Variants in MARCHF1 observed in about 807,000 individuals in gnomAD.
MARCHF1 encodes the protein E3 ubiquitin-protein ligase MARCHF1.
MARCHF1 carries 40 observed loss-of-function variants against 54.2 expected under a neutral mutation model. The ratio of observed to expected loss-of-function variants is 0.74; its 90% CI spans 0.57 to 0.96. MARCHF1 has a LOEUF of 0.96. Among genes scored for constraint, MARCHF1 ranks in the 40% least tolerant of loss-of-function variants. MARCHF1 has a pLI of 0.00. For missense variants in MARCHF1, 586 were observed against 656.5 expected (o/e 0.89, Z 1.17); for synonymous variants, 236 against 236.3 (o/e 1.00, Z 0.01).
intron 9 of MARCHF1, among the ~76,000 whole-genome samples, chr4:163,533,957 T>G (rs1738446758): frequency 6.6e-6 from 1 of 152,012 alleles, no homozygotes; most frequent in Non-Finnish European, 1.5e-5. Context: ...TATACCTCTA[T>G]TTATTTTATC....
intron 2 of MARCHF1, among the ~76,000 whole-genome samples, chr4:164,092,100 C>T (rs1179874420): frequency 6.6e-6 from 1 of 152,102 alleles, no homozygotes; most frequent in Non-Finnish European, 1.5e-5. Context: ...ACTGCTGTTG[C>T]TGGATCTCTA....
At chr4:163,711,011 C>CA (rs35404546) in intron 4 of MARCHF1, among the ~76,000 whole-genome samples, 2 of 151,820 alleles carry the variant, frequency 1.3e-5, no homozygotes, top group Admixed American at 6.6e-5. Context: ...CACATGAGAA[C>CA]AAAAAACTTG....
At chr4:163,698,631 C>T (rs568862201) in intron 5 of MARCHF1, among the ~76,000 whole-genome samples, 24 of 152,176 alleles carry the variant, frequency 1.6e-4, no homozygotes, top group African/African-American at 5.8e-4. Flanking sequence ...TGAAGAAGAA[C>T]TCATAGAAGG....
chr4:164,080,340 A>C (rs763093069), intron 2 of MARCHF1, among the ~76,000 whole-genome samples: 24 of 152,196 alleles, frequency 1.6e-4, no homozygotes, highest in Non-Finnish European at 3.1e-4. Flanking sequence ...CAAATAAAAT[A>C]GTTAATTTAT....
chr4:164,070,740 G>A (rs144288722), intron 2 of MARCHF1, among the ~76,000 whole-genome samples: 1,882 of 152,326 alleles, frequency 0.012, 38 homozygotes, highest in African/African-American at 0.043. Flanking sequence ...GGCAGGCAGA[G>A]TTACGCAGTC....
intron 1 of MARCHF1, among the ~76,000 whole-genome samples, chr4:164,158,065 C>A (rs1397983984): frequency 5.3e-5 from 8 of 152,072 alleles, no homozygotes; most frequent in Non-Finnish European, 1.0e-4. Flanking sequence ...GCACACAGGG[C>A]AAGTATTTGC....
At chr4:163,618,423 C>A (rs113687124) in intron 5 of MARCHF1, among the ~76,000 whole-genome samples, 1 of 152,110 alleles carries the variant, frequency 6.6e-6, no homozygotes, top group Non-Finnish European at 1.5e-5. Context: ...TTCAGAGGGG[C>A]GGTTCTGGGA....
At chr4:163,767,919 T>C (rs953914727) in intron 4 of MARCHF1, among the ~76,000 whole-genome samples, 20 of 152,230 alleles carry the variant, frequency 1.3e-4, no homozygotes, top group African/African-American at 4.6e-4. Flanking sequence ...TGTACATTGC[T>C]ATCATCCAAA....
At chr4:164,381,718 C>T (rs939985561) in intron 1 of MARCHF1, among the ~76,000 whole-genome samples, 24 of 152,242 alleles carry the variant, frequency 1.6e-4, no homozygotes, top group African/African-American at 5.3e-4. Flanking sequence ...GAAGCTCGTA[C>T]GTTCATAAGT....
Position 163,596,605 on chromosome 4 carries a change from C to G in MARCHF1, c.1011-10676G>C, listed in dbSNP as rs556723862. On this transcript the variant is annotated intron_variant, in intron 7 of 9. Transcript: ENST00000514618. ...GAACCTCTGAGCATTTGTTTGTCCC[C>G]ACAATTACCACTTGAAAACAATAAT... Among the ~76,000 whole-genome samples, 16 of 150,198 alleles carry G rather than the reference C, an allele frequency of 1.1e-4. No homozygotes were observed. In the South Asian group the frequency reaches 3.4e-3, roughly 32 times the overall value.
At chr4:164,159,423 T>C (rs910065489) in intron 1 of MARCHF1, among the ~76,000 whole-genome samples, 1 of 152,166 alleles carries the variant, frequency 6.6e-6, no homozygotes, top group Non-Finnish European at 1.5e-5. Flanking sequence ...CATTTATTCA[T>C]TGAATAAATG....
chr4:163,775,316 TTA>T (rs1443548013), intron 4 of MARCHF1, among the ~76,000 whole-genome samples: 1 of 152,216 alleles, frequency 6.6e-6, no homozygotes, highest in East Asian at 1.9e-4. Flanking sequence ...TAATATTGTA[TTA>T]TGTTTCCTCA....
intron 1 of MARCHF1, among the ~76,000 whole-genome samples, chr4:164,372,443 T>C (rs948121931): frequency 3.3e-5 from 5 of 152,208 alleles, no homozygotes; most frequent in African/African-American, 1.2e-4. Flanking sequence ...ATATATATTT[T>C]GGATACATTT....
chr4:164,147,151 A>C (rs1222785752), intron 1 of MARCHF1, among the ~76,000 whole-genome samples: 3 of 152,032 alleles, frequency 2.0e-5, no homozygotes, highest in Non-Finnish European at 4.4e-5. Flanking sequence ...TTAGAATGAC[A>C]ATCATTAAAA....
chr4:164,038,993 G>A (rs1754069266), intron 2 of MARCHF1, among the ~76,000 whole-genome samples: 1 of 152,068 alleles, frequency 6.6e-6, no homozygotes, highest in African/African-American at 2.4e-5. Flanking sequence ...AGCTGAATAA[G>A]ATAAACACTT....
chr4:164,340,414 G>GATATATAT (rs70952623), intron 1 of MARCHF1, among the ~76,000 whole-genome samples: 3 of 93,376 alleles, frequency 3.2e-5, no homozygotes, highest in African/African-American at 1.1e-4. Flanking sequence ...TTTATATATA[G>GATATATAT]ATATATATAT....
intron 1 of MARCHF1, among the ~76,000 whole-genome samples, chr4:164,215,389 C>G (rs1032533254): frequency 2.6e-5 from 4 of 152,104 alleles, no homozygotes; most frequent in African/African-American, 9.7e-5. Context: ...TCTCCATGTC[C>G]AACTGCTTGT....
At chr4:164,101,759 T>C (rs983745327) in intron 2 of MARCHF1, among the ~76,000 whole-genome samples, 17 of 147,474 alleles carry the variant, frequency 1.2e-4, no homozygotes, top group South Asian at 6.6e-4. Context: ...CAAAGCTGGA[T>C]GGAGAATGAC....
At chr4:163,643,129 A>G (rs530138990) in intron 5 of MARCHF1, among the ~76,000 whole-genome samples, 129 of 149,432 alleles carry the variant, frequency 8.6e-4, no homozygotes, top group African/African-American at 3.1e-3. Flanking sequence ...CCTGGCCAAC[A>G]TGGTAAAACC....
Sources: gnomAD v4.1 joint callset for allele counts (sites outside exome capture counted in the v4.1 genomes callset) on GRCh38, gnomAD v4.1.1 for gene constraint, MANE v1.5 for transcripts, NCBI Gene and HGNC (gene_info 2026-07-23, HGNC 2026-07-21) for gene names.